The following ABI3BP variants were observed in gnomAD, a reference collection of about 807,000 sequenced individuals.
The protein encoded by ABI3BP is ABI family member 3 binding protein.
In ABI3BP, 216 loss-of-function variants were observed where a neutral mutation model predicts 268.6. The ratio of observed to expected loss-of-function variants is 0.80; its 90% confidence interval spans 0.72 to 0.90. The LOEUF (loss-of-function observed/expected upper bound fraction) is 0.90, where lower values mean the gene tolerates loss of function less well. ABI3BP is among the 40% of genes least tolerant of loss of function. The pLI, the probability that ABI3BP is intolerant of heterozygous loss-of-function variation, is 0.00. For synonymous variants in ABI3BP, 730 were observed against 730.0 expected (o/e 1.00, Z 0.00); for missense variants, 2,090 against 2,182.4 (o/e 0.96, Z 0.84).
intron 1 of ABI3BP, among the ~76,000 whole-genome samples, chr3:100,985,093 A>AACTTCCAT (rs1361697927): frequency 6.6e-6 from 1 of 151,836 alleles, no homozygotes; most frequent in African/African-American, 2.4e-5. Context: ...GACCTACAGT[A>AACTTCCAT]ACTTCCATTT....
intron 1 of ABI3BP, among the ~76,000 whole-genome samples, chr3:100,983,084 T>C (rs1336894655): frequency 6.6e-6 from 1 of 152,206 alleles, no homozygotes; most frequent in Non-Finnish European, 1.5e-5. Context: ...GAATGTTTTC[T>C]TATCAGCTAA....
chr3:100,817,355 T>G (rs1224049097), intron 42 of ABI3BP, 81 bp downstream of exon 42: 4 of 1,009,838 alleles, frequency 4.0e-6, no homozygotes, highest in African/African-American at 1.6e-5. Flanking sequence ...ACAAAGCTGA[T>G]GACAATGTGA....
intron 63 of ABI3BP, among the ~76,000 whole-genome samples, chr3:100,758,433 AT>A (rs1052490129): frequency 6.6e-6 from 1 of 152,084 alleles, no homozygotes; most frequent in African/African-American, 2.4e-5. Flanking sequence ...TCTCTAGATA[AT>A]TTTTTTTAAA....
chr3:100,990,157 A>G (rs2092689831), intron 1 of ABI3BP, among the ~76,000 whole-genome samples: 1 of 152,056 alleles, frequency 6.6e-6, no homozygotes, highest in African/African-American at 2.4e-5. Context: ...CTCATCTCCT[A>G]CCTTACAAGA....
At position 100,867,572 on chromosome 3, in the gene ABI3BP, T is replaced by C. The variant is rs1202568410; in HGVS notation, c.911-616A>G. Among the ~76,000 whole-genome samples, 7 of 127,472 alleles carry C rather than the reference T, an allele frequency of 5.5e-5. No individual in the cohort carries two copies. The South Asian group carries it at 1.4e-3, about 26-fold the overall frequency. 83.6% of individuals were successfully genotyped at this position (127,472 alleles called of 152,430 possible). On this transcript the variant is annotated intron_variant, in intron 9 of 67. Transcript: ENST00000471714. The stretch of plus-strand genomic sequence containing the variant: ...AGGAGAATGGCGTGAACCCGGGAGG[T>C]GGAGCTTGCAGTGAGCCGAGATCAC...
chr3:100,970,568 C>A (rs992175850), intron 1 of ABI3BP, among the ~76,000 whole-genome samples: 1 of 152,156 alleles, frequency 6.6e-6, no homozygotes, highest in East Asian at 1.9e-4. Context: ...TGCTTTTGAT[C>A]GCTCTAGAGA....
intron 63 of ABI3BP, among the ~76,000 whole-genome samples, chr3:100,761,925 A>G (rs2149550334): frequency 6.6e-6 from 1 of 152,352 alleles, no homozygotes; most frequent in South Asian, 2.1e-4. Context: ...CACTGCTGTA[A>G]TAATTCTTTC....
At chr3:100,831,425 A>G (rs73135583) in intron 31 of ABI3BP, among the ~76,000 whole-genome samples, 20,966 of 152,154 alleles carry the variant, frequency 0.14, 1,889 homozygotes, top group South Asian at 0.26. Flanking sequence ...ACTCATTAAG[A>G]GACTAAGTCT....
intron 14 of ABI3BP, among the ~76,000 whole-genome samples, chr3:100,856,649 T>C (rs765192106): frequency 1.3e-5 from 2 of 152,184 alleles, no homozygotes; most frequent in Non-Finnish European, 2.9e-5. Context: ...AAGCATTGTC[T>C]TTATTTGCTT....
intron 38 of ABI3BP, 116 bp from the exon 39 acceptor site, chr3:100,821,229 C>A: frequency 1.2e-6 from 1 of 857,560 alleles, no homozygotes; most frequent in African/African-American, 1.7e-5. Context: ...TATATAGCAA[C>A]CTTTAAAAAC....
chr3:100,810,557 C>A (rs1160347904), intron 48 of ABI3BP, 80 bp from the exon 49 acceptor site: 5 of 981,296 alleles, frequency 5.1e-6, no homozygotes, highest in Middle Eastern at 2.2e-4. Context: ...AGGATGGTAA[C>A]AAATAGATTT....
intron 2 of ABI3BP, chr3:100,911,573 T>C (rs1362165869): frequency 1.4e-5 from 9 of 654,092 alleles, no homozygotes; most frequent in Non-Finnish European, 2.5e-5. Context: ...CCTTTACTGA[T>C]CCATCTTCTT....
intron 9 of ABI3BP, 36 bp from the exon 10 acceptor site, chr3:100,866,992 G>A: frequency 6.4e-7 from 1 of 1,556,930 alleles, no homozygotes; most frequent in East Asian, 2.2e-5. Flanking sequence ...TATCTCACTT[G>A]CAGTGTCCAA....
At chr3:100,963,569 G>A (rs572371561) in intron 1 of ABI3BP, among the ~76,000 whole-genome samples, 38 of 152,248 alleles carry the variant, frequency 2.5e-4, no homozygotes, top group Middle Eastern at 6.8e-3. Flanking sequence ...TATAGCTCAC[G>A]CTTAGGACAT....
chr3:100,885,916 T>A (rs1165659008), intron 5 of ABI3BP, among the ~76,000 whole-genome samples: 1 of 152,038 alleles, frequency 6.6e-6, no homozygotes, highest in African/African-American at 2.4e-5. Flanking sequence ...GACAACGACA[T>A]CAATGGAGGC....
chr3:100,978,176 T>C (rs1190238638), intron 1 of ABI3BP, among the ~76,000 whole-genome samples: 1 of 152,160 alleles, frequency 6.6e-6, no homozygotes, highest in Non-Finnish European at 1.5e-5. Context: ...ACACACACAA[T>C]GTTTTCAGCT....
At chr3:100,987,060 T>C (rs934758280) in intron 1 of ABI3BP, among the ~76,000 whole-genome samples, 1 of 152,210 alleles carries the variant, frequency 6.6e-6, no homozygotes, top group Non-Finnish European at 1.5e-5. Flanking sequence ...TAGAGTATCC[T>C]ATTTCTTAAT....
At chr3:100,952,419 A>G (rs529850231) in intron 1 of ABI3BP, among the ~76,000 whole-genome samples, 4 of 152,318 alleles carry the variant, frequency 2.6e-5, no homozygotes, top group African/African-American at 9.6e-5. Flanking sequence ...TTTGTTAATT[A>G]AAAATAAATA....
At chr3:100,837,008 T>A (rs905997268) in intron 27 of ABI3BP, 116 bp downstream of exon 27, 16 of 1,062,514 alleles carry the variant, frequency 1.5e-5, no homozygotes, top group Middle Eastern at 2.1e-4. Context: ...TGAAAATTTT[T>A]AAAAATGAAA....
Sources: gnomAD v4.1 joint callset for allele counts (sites outside exome capture counted in the v4.1 genomes callset) on GRCh38, gnomAD v4.1.1 for gene constraint, MANE v1.5 for transcripts, NCBI Gene and HGNC (gene_info 2026-07-23, HGNC 2026-07-21) for gene names.